Variants in PHYHIP observed in about 807,000 individuals in gnomAD.
The protein encoded by PHYHIP is phytanoyl-CoA hydroxylase-interacting protein.
PHYHIP carries 7 observed loss-of-function variants against 26.1 expected under a neutral mutation model. That is an observed-to-expected ratio of 0.27 (90% CI 0.15 to 0.50). The LOEUF (loss-of-function observed/expected upper bound fraction) is 0.50. Ranked by LOEUF, PHYHIP falls within the 20% of genes least tolerant of loss-of-function variation. The pLI, the probability that PHYHIP is intolerant of heterozygous loss-of-function variation, is 0.98. For missense variants in PHYHIP, 232 were observed against 454.7 expected (o/e 0.51, Z 4.45); for synonymous variants, 206 against 183.4 (o/e 1.12, Z -1.00).
chr8:22,228,576 C>G (rs1829799607), intron 1 of PHYHIP, 190 bp from the exon 2 acceptor site: 1 of 500,998 alleles, frequency 2.0e-6, no homozygotes, highest in South Asian at 2.9e-5. Context: ...GGGTGCCTGC[C>G]CGGGGGGCTC....
At chr8:22,225,159 G>C (rs1318371672) in intron 3 of PHYHIP, among the ~76,000 whole-genome samples, 1 of 152,128 alleles carries the variant, frequency 6.6e-6, no homozygotes, top group Non-Finnish European at 1.5e-5. Context: ...AGGAGCAAGA[G>C]GCCTCCAGAG....
intron 3 of PHYHIP, among the ~76,000 whole-genome samples, chr8:22,225,138 C>T (rs1321105278): frequency 1.3e-5 from 2 of 152,144 alleles, no homozygotes; most frequent in Non-Finnish European, 2.9e-5. Flanking sequence ...AACCAAGAAG[C>T]TTTCCCCACC....
intron 3 of PHYHIP, 127 bp downstream of exon 3, chr8:22,226,724 A>G (rs569127467): frequency 2.3e-6 from 2 of 872,748 alleles, no homozygotes; most frequent in Middle Eastern, 3.0e-4. Flanking sequence ...CCTGTGGCCC[A>G]AGCACGCTGC....
chr8:22,224,720 C>T (rs1391881867), intron 3 of PHYHIP, among the ~76,000 whole-genome samples: 1 of 152,164 alleles, frequency 6.6e-6, no homozygotes, highest in African/African-American at 2.4e-5. Context: ...GACGGGAGGG[C>T]TTGAGGTCCT....
In PHYHIP at chr8:22,226,976, A is replaced by T; in HGVS notation, c.215T>A (p.Val72Glu). ...VAKAVPLPMTVRGHWFLSPRT... is the reference protein window; with the variant it reads ...VAKAVPLPMTERGHWFLSPRT... ...GGGGCTCAGGAACCAGTGGCCTCTC[A>T]CCGTCATGGGCAGCGGCACTGCCTT... The change falls in exon 3 of 5, where the codon GTG (valine) becomes GAG (glutamate). Residue 72 changes from valine (V) to glutamate (E), a missense_variant. Physicochemically the swap from Val to Glu is moderately radical, Grantham distance 121. Coordinates refer to ENST00000454243, the MANE Select transcript of PHYHIP (RefSeq NM_014759.5). The T allele has an allele frequency of 6.2e-7, 1 of 1,613,850 alleles. No homozygotes were observed. The highest frequency in any genetic ancestry group is 8.5e-7 in the Non-Finnish European group (1 of 1,179,982).
At chr8:22,222,280 G>A (rs1355556049) in intron 4 of PHYHIP, among the ~76,000 whole-genome samples, 1 of 151,972 alleles carries the variant, frequency 6.6e-6, no homozygotes, top group African/African-American at 2.4e-5. Context: ...CCCTATGCAG[G>A]ACTCTTCCCT....
At chr8:22,224,624 C>T (rs972646296) in intron 3 of PHYHIP, among the ~76,000 whole-genome samples, 12 of 152,220 alleles carry the variant, frequency 7.9e-5, no homozygotes, top group African/African-American at 2.9e-4. Flanking sequence ...GAGGGCTGCC[C>T]AGTTATCCTG....
At position 22,227,014 on chromosome 8, in the gene PHYHIP, G is replaced by A. The variant is rs11547657; in HGVS notation, c.177C>T (p.Thr59=). 190 of 1,611,444 alleles carry A rather than the reference G, an allele frequency of 1.2e-4. No homozygotes were observed. The highest frequency in any genetic ancestry group is 1.5e-4 in the Non-Finnish European group (176 of 1,179,266). The stretch of plus-strand genomic sequence containing the variant: ...GCGGCACTGCCTTGGCCACGAGCTT[G>A]GTGGGGACGTCCTGAGAAACAGGGT... ...SNKFKHRDVP[T]KLVAKAVPLP... Residue 59 remains threonine, a synonymous_variant, in exon 3 of 5, where the codon ACC becomes ACT. Coordinates refer to ENST00000454243, the MANE Select transcript of PHYHIP (RefSeq NM_014759.5).
chr8:22,229,188 G>A (rs1033290635), intron 1 of PHYHIP, among the ~76,000 whole-genome samples: 4 of 152,178 alleles, frequency 2.6e-5, no homozygotes, highest in Non-Finnish European at 2.9e-5. Context: ...GGCGACTGAG[G>A]TTGGGGAGGT....
At chr8:22,228,152 A>G in intron 2 of PHYHIP, 41 bp downstream of exon 2, 3 of 1,582,900 alleles carry the variant, frequency 1.9e-6, no homozygotes, top group Non-Finnish European at 2.6e-6. Flanking sequence ...TCCTTCAGGA[A>G]CAGAAGCTGG....
At chr8:22,223,180 T>C (rs969683322) in intron 4 of PHYHIP, among the ~76,000 whole-genome samples, 2 of 151,434 alleles carry the variant, frequency 1.3e-5, no homozygotes, top group Admixed American at 1.3e-4. Flanking sequence ...CTGGCCAACA[T>C]GGTGAAACCC....
intron 1 of PHYHIP, 51 bp downstream of exon 1, chr8:22,231,745 C>G (rs1829872528): frequency 6.6e-6 from 1 of 152,424 alleles, no homozygotes; most frequent in Admixed American, 6.5e-5. Context: ...CCCCCAGATC[C>G]CGGCTACTCA....
chr8:22,224,084 G>A, intron 4 of PHYHIP, 142 bp downstream of exon 4: 1 of 655,754 alleles, frequency 1.5e-6, no homozygotes, highest in Non-Finnish European at 2.7e-6. Flanking sequence ...GAGCCAGCCT[G>A]GTGACGTCAG....
intron 1 of PHYHIP, among the ~76,000 whole-genome samples, chr8:22,229,622 C>T (rs999519847): frequency 2.0e-5 from 3 of 152,152 alleles, no homozygotes; most frequent in Non-Finnish European, 4.4e-5. Flanking sequence ...GTGGGGCATT[C>T]TCCAGGGGCA....
At chr8:22,223,054 C>T (rs867241655) in intron 4 of PHYHIP, among the ~76,000 whole-genome samples, 1 of 152,040 alleles carries the variant, frequency 6.6e-6, no homozygotes, top group Middle Eastern at 3.2e-3. Flanking sequence ...TAAAACTGCC[C>T]TGACTGTAAG....
chr8:22,230,476 T>G (rs1829844168), intron 1 of PHYHIP, among the ~76,000 whole-genome samples: 2 of 151,468 alleles, frequency 1.3e-5, no homozygotes, highest in Non-Finnish European at 2.9e-5. Context: ...TGGCAGTGAG[T>G]GAGCTGGGGT....
intron 3 of PHYHIP, among the ~76,000 whole-genome samples, chr8:22,225,416 A>T (rs909872854): frequency 4.0e-5 from 6 of 151,662 alleles, no homozygotes; most frequent in Non-Finnish European, 8.8e-5. Flanking sequence ...GCTCGTGGGG[A>T]GGAGGTTGCT....
intron 3 of PHYHIP, 88 bp downstream of exon 3, chr8:22,226,763 T>C (rs959792234): frequency 3.1e-6 from 4 of 1,273,116 alleles, no homozygotes; most frequent in Non-Finnish European, 4.4e-6. Flanking sequence ...TCATCAGTGT[T>C]TGCTGGACTA....
At chr8:22,227,930 T>C (rs1364905820) in intron 2 of PHYHIP, among the ~76,000 whole-genome samples, 1 of 152,248 alleles carries the variant, frequency 6.6e-6, no homozygotes, top group East Asian at 1.9e-4. Flanking sequence ...CCCTCTGTGC[T>C]AGGCGCCGGG....
Sources: allele counts gnomAD v4.1 joint callset (sites outside exome capture counted in the v4.1 genomes callset), GRCh38; gene constraint gnomAD v4.1.1; transcripts MANE v1.5; gene names NCBI Gene and HGNC (gene_info 2026-07-23, HGNC 2026-07-21).